The following PAX7 variants were observed in gnomAD, a reference collection of about 807,000 sequenced individuals.
The protein encoded by PAX7 is paired box 7.
In PAX7, 18 loss-of-function variants were observed where a neutral mutation model predicts 50.7. The ratio of observed to expected loss-of-function variants is 0.36; its 90% confidence interval spans 0.25 to 0.53. PAX7 has a LOEUF of 0.53. PAX7 is among the 20% of genes least tolerant of loss of function. PAX7 has a pLI of 0.93. For missense variants in PAX7, 644 were observed against 702.9 expected, an observed-to-expected ratio of 0.92 and a Z score of 0.95; for synonymous variants, 310 against 290.4, an observed-to-expected ratio of 1.07 and a Z score of -0.69.
At position 18,634,484 on chromosome 1, in the gene PAX7, C is replaced by A. The variant is rs2088112550; in HGVS notation, c.267C>A (p.Arg89=). 6.2e-7 allele frequency: 1 copy of A among 1,614,038 alleles called. No homozygotes were observed. The highest frequency in any genetic ancestry group is 1.3e-5 in the African/African-American group (1 of 74,954). Residue 89 remains arginine (R), a synonymous_variant, in exon 2 of 9, where the codon CGC becomes CGA. Coordinates refer to ENST00000420770, the MANE Select transcript of PAX7 (RefSeq NM_001135254.2). This position sits in a 1 kb window ranked among gnomAD's most constrained non-coding sequence, Gnocchi z 4.0. ...GCTGCGTCTCCAAGATTCTTTGCCGCTACCAGGAGACCGGGTCCATCCGGC... is the reference window on the plus strand; with the variant it reads ...GCTGCGTCTCCAAGATTCTTTGCCGATACCAGGAGACCGGGTCCATCCGGC... ...SHGCVSKILC[R]YQETGSIRPG...
intron 7 of PAX7, among the ~76,000 whole-genome samples, chr1:18,723,444 T>A (rs761557343): frequency 1.1e-4 from 17 of 152,204 alleles, no homozygotes; most frequent in Non-Finnish European, 2.1e-4. Context: ...ATATGGGCAC[T>A]GAGAGGGAAA....
chr1:18,652,897 G>A (rs1401460857), intron 4 of PAX7, among the ~76,000 whole-genome samples: 1 of 152,182 alleles, frequency 6.6e-6, no homozygotes, highest in Non-Finnish European at 1.5e-5. Flanking sequence ...CCCCAGCCAT[G>A]CCCCGTGGGT....
chr1:18,672,999 G>A (rs905393387), intron 4 of PAX7, among the ~76,000 whole-genome samples: 4 of 152,240 alleles, frequency 2.6e-5, no homozygotes, highest in South Asian at 2.1e-4. Flanking sequence ...GATTGTGGAT[G>A]CAGCAGCACT....
At position 18,675,244 on chromosome 1, in the gene PAX7, C is replaced by T. The variant is rs561756785; in HGVS notation, c.587-16510C>T. ...TCCTCTGTGGCTGCCTTACCTGACA[C>T]ACGCCCACCATGAAAAAAAGCCGAA... On this transcript the variant is annotated intron_variant, in intron 4 of 8. Coordinates refer to ENST00000420770, the MANE Select transcript of PAX7 (RefSeq NM_001135254.2). Among the ~76,000 whole-genome samples, 11 of 152,202 alleles carry T rather than the reference C, an allele frequency of 7.2e-5. No homozygotes were observed. The South Asian group carries it at 8.3e-4, about 11-fold the overall frequency.
intron 4 of PAX7, among the ~76,000 whole-genome samples, chr1:18,690,046 C>T (rs1261223041): frequency 1.3e-5 from 2 of 152,216 alleles, no homozygotes; most frequent in Non-Finnish European, 2.9e-5. Context: ...CTTCTCCCAT[C>T]TCTGATGCGA....
rs986869497 is a variant in PAX7 at position 18,640,721 on chromosome 1, G to C, written c.586+4350G>C. Among the ~76,000 whole-genome samples the C allele has an allele frequency of 1.6e-4, 25 of 152,130 alleles. 1 individual carries two copies. Among genetic ancestry groups the C allele is most frequent in the Non-Finnish European group, 3.4e-4 (23 of 68,040 alleles). ...GAGTGGGATCAGCTTCGCATAATGG[G>C]GGCTCGGAGGAAGATGGGAGGGTGT... On this transcript the variant is annotated intron_variant, in intron 4 of 8. Coordinates refer to ENST00000420770, the MANE Select transcript of PAX7 (RefSeq NM_001135254.2).
intron 4 of PAX7, among the ~76,000 whole-genome samples, chr1:18,684,821 G>A (rs982062840): frequency 5.3e-5 from 8 of 152,172 alleles, no homozygotes; most frequent in Non-Finnish European, 8.8e-5. Flanking sequence ...AGAGGGGAGC[G>A]CAGAAGCAGG....
At chr1:18,664,299 C>A (rs4920338) in intron 4 of PAX7, among the ~76,000 whole-genome samples, 1 of 152,076 alleles carries the variant, frequency 6.6e-6, no homozygotes, top group African/African-American at 2.4e-5. Flanking sequence ...GCCTCTGAGG[C>A]GGTAGTGACC....
chr1:18,721,784 G>C (rs563706209), intron 7 of PAX7, among the ~76,000 whole-genome samples: 4 of 152,348 alleles, frequency 2.6e-5, no homozygotes, highest in African/African-American at 9.6e-5. Context: ...AAACACACAG[G>C]CTTCAGCAAC....
At chr1:18,650,258 T>A (rs2088411326) in intron 4 of PAX7, among the ~76,000 whole-genome samples, 1 of 152,216 alleles carries the variant, frequency 6.6e-6, no homozygotes, top group Non-Finnish European at 1.5e-5. Context: ...CCTCTTCTAT[T>A]CCTCTGATTA....
intron 1 of PAX7, among the ~76,000 whole-genome samples, 189 bp downstream of exon 1, chr1:18,631,877 G>T (rs1426162896): frequency 1.3e-5 from 2 of 152,168 alleles, no homozygotes; most frequent in African/African-American, 2.4e-5. Flanking sequence ...CTTCTGCGTG[G>T]GTTTCACTGC....
intron 8 of PAX7, among the ~76,000 whole-genome samples, chr1:18,743,169 C>A (rs776878291): frequency 1.3e-5 from 2 of 152,252 alleles, no homozygotes; most frequent in Non-Finnish European, 2.9e-5. Context: ...CGTATTTCTT[C>A]TTTAACCTTC....
intron 4 of PAX7, among the ~76,000 whole-genome samples, chr1:18,648,732 G>A (rs892991269): frequency 3.3e-5 from 5 of 152,198 alleles, no homozygotes; most frequent in Non-Finnish European, 7.3e-5. Context: ...CAAAGGCTAA[G>A]TTAAGGAGGT....
intron 7 of PAX7, among the ~76,000 whole-genome samples, chr1:18,731,360 G>C (rs147716889): frequency 1.3e-5 from 2 of 152,290 alleles, no homozygotes; most frequent in East Asian, 3.9e-4. Flanking sequence ...CTCTCCCTGT[G>C]TGCTCTCCAG....
rs1409432140 is a variant in PAX7, at chr1:18,744,812, A to G, written c.1403-2A>G. The G allele has an allele frequency of 6.5e-7, 1 of 1,540,778 alleles. No individual in the cohort carries two copies. Among genetic ancestry groups the G allele is most frequent in the South Asian group, 1.2e-5 (1 of 83,846 alleles). On this transcript the variant is annotated splice_acceptor_variant, in intron 8 of 8. Transcript: ENST00000420770. LOFTEE classifies it high-confidence loss of function. ...TCTAGGAGAGTCTCTTCTTTTTTCC[A>G]GCTGCTGTTGATTATCTGGCCAAAA...
intron 4 of PAX7, among the ~76,000 whole-genome samples, chr1:18,672,603 T>TTG (rs2088767568): frequency 6.8e-6 from 1 of 147,412 alleles, no homozygotes; most frequent in Non-Finnish European, 1.5e-5. Flanking sequence ...TGTGTTTTTT[T>TTG]TTTTTTTTTT....
Position 18,744,701 on chromosome 1 carries a change from G to A in PAX7, c.1403-113G>A, listed in dbSNP as rs796463313. 2,252 of 435,634 alleles carry A rather than the reference G, an allele frequency of 5.2e-3. 13 individuals carry two copies. Among genetic ancestry groups the A allele is most frequent in the African/African-American group, 0.021 (895 of 42,164 alleles). 27.0% of individuals were successfully genotyped at this position (435,634 alleles called of 1,614,324 possible). ...GGATGGATGGATAAATGGATGGATG[G>A]ATGGATGGATGGATGGATGGATGGA... On this transcript the variant is annotated intron_variant, in intron 8 of 8. Transcript: ENST00000420770.
rs1208463125 is a variant in PAX7, at chr1:18,735,488, A to G, written c.1156-144A>G. On this transcript the variant is annotated intron_variant, in intron 7 of 8. Coordinates refer to ENST00000420770, the MANE Select transcript of PAX7 (RefSeq NM_001135254.2). This position sits in a 1 kb window ranked among gnomAD's most constrained non-coding sequence, Gnocchi z 4.0. Reference sequence around the variant, plus strand: ...TGCATGAGGGCACGCAAATCAGGTAAACTGAGGACCTCGAAGCTACAGAGA... The same window carrying G: ...TGCATGAGGGCACGCAAATCAGGTAGACTGAGGACCTCGAAGCTACAGAGA... 2.8e-6 allele frequency: 4 copies of G among 1,431,244 alleles called. No homozygotes were observed. Among genetic ancestry groups the G allele is most frequent in the Non-Finnish European group, 3.7e-6 (4 of 1,077,748 alleles). The allele number at this position is 1,431,244 out of a possible 1,614,324, so 88.7% of individuals were successfully genotyped here. A position where few individuals can be genotyped will look rare whatever the true frequency, so the allele number is the denominator to read the frequency against.
chr1:18,635,187 T>C lies in PAX7; in HGVS notation c.398T>C (p.Ile133Thr), dbSNP rs1427053032. The C allele has an allele frequency of 6.2e-6, 10 of 1,613,910 alleles. No homozygotes were observed. The highest frequency in any genetic ancestry group is 8.5e-6 in the Non-Finnish European group (10 of 1,179,942). The change falls in exon 3 of 9, where the codon ATC becomes ACC. Residue 133 changes from isoleucine to threonine, a missense_variant. Transcript: ENST00000420770. ...RENPGMFSWE[I>T]RDRLLKDGHC... ...AACCCAGGCATGTTCAGCTGGGAGATCCGGGACAGGCTGCTGAAGGATGGG... is the reference window on the plus strand; with the variant it reads ...AACCCAGGCATGTTCAGCTGGGAGACCCGGGACAGGCTGCTGAAGGATGGG...
Sources: allele counts gnomAD v4.1 joint callset (sites outside exome capture counted in the v4.1 genomes callset), GRCh38; gene constraint gnomAD v4.1.1; non-coding constraint Gnocchi (gnomAD v3.1); transcripts MANE v1.5; gene names NCBI Gene and HGNC (gene_info 2026-07-23, HGNC 2026-07-21).